Variants in RIMS2 observed in about 807,000 individuals in gnomAD.
RIMS2 encodes regulating synaptic membrane exocytosis protein 2.
In RIMS2, 59 loss-of-function variants were observed where a neutral mutation model predicts 174.4. That is an observed-to-expected ratio of 0.34 (90% CI 0.27 to 0.42). The LOEUF (loss-of-function observed/expected upper bound fraction) is 0.42, where lower values mean the gene tolerates loss of function less well. RIMS2 is among the 10% of genes least tolerant of loss of function. The probability of loss-of-function intolerance (pLI) is 1.00; values close to 1 mark genes in which losing one functional copy is unlikely to be tolerated. For missense variants in RIMS2, 1,620 were observed against 1,666.3 expected (o/e 0.97, Z 0.48); for synonymous variants, 606 against 572.5 (o/e 1.06, Z -0.84).
chr8:104,083,762 A>G (rs2097478755), intron 19 of RIMS2, among the ~76,000 whole-genome samples: 1 of 152,174 alleles, frequency 6.6e-6, no homozygotes, highest in African/African-American at 2.4e-5. Context: ...TCAGAATATT[A>G]TTATTAATAT....
Position 104,145,097 on chromosome 8 carries a change from A to C in RIMS2, c.3335-99819A>C, listed in dbSNP as rs192806568. 2.6e-5 allele frequency among the ~76,000 whole-genome samples: 4 copies of C among 152,290 alleles called. No individual in the cohort carries two copies. The East Asian group carries it at 7.7e-4, about 29-fold the overall frequency. ...ATTTAAACATCCACTGTTGTTGGAC[A>C]TTTGTGGGTTTTTCCCCTTGTCTTA... On this transcript the variant is annotated intron_variant, in intron 19 of 23. Coordinates refer to ENST00000504942, the Ensembl canonical transcript of RIMS2.
chr8:103,516,468 C>G (rs1179371743), intron 1 of RIMS2, among the ~76,000 whole-genome samples: 1 of 151,890 alleles, frequency 6.6e-6, no homozygotes, highest in Non-Finnish European at 1.5e-5. Flanking sequence ...TTAAAACAAT[C>G]CACTATGAAA....
At chr8:103,588,455 G>A (rs1018030025) in intron 1 of RIMS2, among the ~76,000 whole-genome samples, 7 of 151,626 alleles carry the variant, frequency 4.6e-5, no homozygotes, top group Non-Finnish European at 1.0e-4. Flanking sequence ...AGCCAAAGCT[G>A]TCCTGAACAA....
At chr8:103,739,756 T>A (rs1381432106) in intron 2 of RIMS2, among the ~76,000 whole-genome samples, 2 of 152,200 alleles carry the variant, frequency 1.3e-5, no homozygotes, top group Non-Finnish European at 2.9e-5. Flanking sequence ...TTATCATGTA[T>A]TACTCCTTCT....
intron 2 of RIMS2, among the ~76,000 whole-genome samples, chr8:103,741,297 A>G (rs1407720090): frequency 6.6e-6 from 1 of 152,070 alleles, no homozygotes; most frequent in Non-Finnish European, 1.5e-5. Context: ...CTTCGTTTTT[A>G]TAGATGCAAA....
At chr8:103,757,006 T>TGAGAGAGA (rs1564527160) in intron 2 of RIMS2, among the ~76,000 whole-genome samples, 1 of 128,822 alleles carries the variant, frequency 7.8e-6, no homozygotes, top group Admixed American at 7.5e-5. Context: ...TGTGTGTGTG[T>TGAGAGAGA]GTGTGAGAGA....
chr8:104,190,229 G>C (rs1323936805), intron 19 of RIMS2, among the ~76,000 whole-genome samples: 4 of 152,062 alleles, frequency 2.6e-5, no homozygotes, highest in Admixed American at 2.0e-4. Context: ...TTGAGCCAAA[G>C]AGTTCAAGGC....
intron 1 of RIMS2, among the ~76,000 whole-genome samples, chr8:103,670,573 A>G (rs1229655763): frequency 6.6e-6 from 1 of 152,176 alleles, no homozygotes; most frequent in Non-Finnish European, 1.5e-5. Flanking sequence ...TGCTGCTTAG[A>G]AATTTCTTCT....
chr8:103,637,926 A>G (rs1355371132), intron 1 of RIMS2, among the ~76,000 whole-genome samples: 2 of 152,140 alleles, frequency 1.3e-5, no homozygotes, highest in Non-Finnish European at 2.9e-5. Flanking sequence ...GAAAGTTGTG[A>G]AAACAGAAAA....
At chr8:103,867,711 T>C (rs1169959500) in intron 3 of RIMS2, among the ~76,000 whole-genome samples, 2 of 151,944 alleles carry the variant, frequency 1.3e-5, no homozygotes, top group Non-Finnish European at 2.9e-5. Context: ...GTACTTCTAA[T>C]GTTAGAAAAA....
chr8:104,171,510 A>G (rs1319928385), intron 19 of RIMS2, among the ~76,000 whole-genome samples: 2 of 151,800 alleles, frequency 1.3e-5, no homozygotes, highest in Middle Eastern at 6.8e-3. Flanking sequence ...TGTTATATAT[A>G]TATATCTCTC....
chr8:104,153,741 G>T (rs1415478499), intron 19 of RIMS2, among the ~76,000 whole-genome samples: 1 of 152,090 alleles, frequency 6.6e-6, no homozygotes, highest in African/African-American at 2.4e-5. Context: ...CCATTTAGAG[G>T]TCAGGAAGAA....
chr8:103,591,740 C>G (rs898925568), intron 1 of RIMS2, among the ~76,000 whole-genome samples: 1 of 151,036 alleles, frequency 6.6e-6, no homozygotes, highest in African/African-American at 2.4e-5. Flanking sequence ...GCTCTGTATT[C>G]TGTTCCACTG....
chr8:103,936,921 C>T (rs185085949), intron 13 of RIMS2, among the ~76,000 whole-genome samples, 199 bp downstream of exon 15: 23 of 152,074 alleles, frequency 1.5e-4, no homozygotes, highest in Admixed American at 1.3e-3. Context: ...TGGTGAAACC[C>T]CGTCTCTACT....
intron 2 of RIMS2, among the ~76,000 whole-genome samples, chr8:103,745,559 A>T (rs2097801415): frequency 6.6e-6 from 1 of 152,174 alleles, no homozygotes; most frequent in Non-Finnish European, 1.5e-5. Flanking sequence ...TTTCACAGTA[A>T]CTATATCATT....
intron 19 of RIMS2, among the ~76,000 whole-genome samples, chr8:104,199,036 A>G (rs981609068): frequency 1.7e-5 from 2 of 120,898 alleles, no homozygotes; most frequent in Admixed American, 1.8e-4. Context: ...GGCTTAAAAT[A>G]TAACTTTTAT....
chr8:104,108,147 C>A (rs1259645729), intron 19 of RIMS2, among the ~76,000 whole-genome samples: 1 of 151,998 alleles, frequency 6.6e-6, no homozygotes, highest in East Asian at 1.9e-4. Context: ...CAAAAGAATT[C>A]TCTTTACACT....
intron 16 of RIMS2, among the ~76,000 whole-genome samples, chr8:103,984,167 C>G (rs1027612680): frequency 6.6e-6 from 1 of 151,714 alleles, no homozygotes; most frequent in Admixed American, 6.6e-5. Flanking sequence ...GAGCGAGACT[C>G]CATCTCAGAA....
chr8:103,737,690 C>T (rs757372428), intron 2 of RIMS2, among the ~76,000 whole-genome samples: 6 of 152,140 alleles, frequency 3.9e-5, no homozygotes, highest in Non-Finnish European at 8.8e-5. Context: ...ACCATTCTTC[C>T]CCTCAGGTAT....
Sources: allele counts gnomAD v4.1 joint callset (sites outside exome capture counted in the v4.1 genomes callset), GRCh38; gene constraint gnomAD v4.1.1; transcripts MANE v1.5; gene names NCBI Gene and HGNC (gene_info 2026-07-23, HGNC 2026-07-21).